The following VRK1 variants were observed in gnomAD, a reference collection of about 807,000 sequenced individuals.
The protein encoded by VRK1 is serine/threonine-protein kinase VRK1.
VRK1 carries 33 observed loss-of-function variants against 57.1 expected under a neutral mutation model. That is an observed-to-expected ratio of 0.58 (90% CI 0.44 to 0.77). VRK1 has a LOEUF of 0.77. Among genes scored for constraint, VRK1 ranks in the 30% least tolerant of loss-of-function variants. The pLI is 0.00. For synonymous variants in VRK1, 137 were observed against 147.8 expected, an observed-to-expected ratio of 0.93 and a Z score of 0.53; for missense variants, 413 against 477.3, an observed-to-expected ratio of 0.87 and a Z score of 1.25.
At chr14:96,857,476 A>G (rs1377928413) in intron 10 of VRK1, among the ~76,000 whole-genome samples, 1 of 152,132 alleles carries the variant, frequency 6.6e-6, no homozygotes, top group African/African-American at 2.4e-5. Flanking sequence ...ATAGGTAAAC[A>G]TGAGGGCTTT....
At chr14:96,830,810 T>G (rs771499974) in intron 1 of VRK1, among the ~76,000 whole-genome samples, 5 of 152,232 alleles carry the variant, frequency 3.3e-5, no homozygotes, top group Non-Finnish European at 5.9e-5. Flanking sequence ...TCACTTGTTT[T>G]TGTGTAGTAT....
chr14:96,860,131 T>C (rs1163748592), intron 10 of VRK1, among the ~76,000 whole-genome samples: 1 of 152,150 alleles, frequency 6.6e-6, no homozygotes, highest in African/African-American at 2.4e-5. Context: ...TATTTCTCAT[T>C]TACACGAAGA....
At chr14:96,881,134 A>G in intron 12 of VRK1, 43 bp from the exon 13 acceptor site, 1 of 1,547,808 alleles carries the variant, frequency 6.5e-7, no homozygotes, top group Non-Finnish European at 8.8e-7. Flanking sequence ...TGCTTTTGTA[A>G]ATTATTGACT....
intron 3 of VRK1, among the ~76,000 whole-genome samples, chr14:96,840,472 T>G (rs1887412158): frequency 6.6e-6 from 1 of 152,214 alleles, no homozygotes; most frequent in African/African-American, 2.4e-5. Flanking sequence ...ATTTTTCTTC[T>G]TCTTCATTTA....
rs560220988 is a variant in VRK1, at chr14:96,816,854, T to C, written c.-5-16613T>C. The stretch of plus-strand genomic sequence containing the variant: ...CGTGCATTGACTAGTATTTGGGTCC[T>C]GAGTCAAAGTCAACTGTGAGAAGAC... On this transcript the variant is annotated intron_variant, in intron 1 of 12. Transcript: ENST00000216639. Among the ~76,000 whole-genome samples the C allele has an allele frequency of 3.9e-5, 6 of 152,336 alleles. No homozygotes were observed. In the East Asian group the frequency reaches 7.7e-4, roughly 20 times the overall value.
intron 5 of VRK1, among the ~76,000 whole-genome samples, chr14:96,850,555 T>A (rs1183463024): frequency 6.6e-6 from 1 of 152,178 alleles, no homozygotes; most frequent in East Asian, 1.9e-4. Flanking sequence ...GTGACAAGAT[T>A]AAGGTCTTAT....
chr14:96,828,130 C>T lies in VRK1; in HGVS notation c.-5-5337C>T, dbSNP rs181951793. Reference sequence around the variant, plus strand: ...TTCTTAACACAGTGTTTGGTATGTCCATCCGTCTTACTATATTCATTTTCC... The same window carrying T: ...TTCTTAACACAGTGTTTGGTATGTCTATCCGTCTTACTATATTCATTTTCC... On this transcript the variant is annotated intron_variant, in intron 1 of 12. Transcript: ENST00000216639. 2.9e-4 allele frequency among the ~76,000 whole-genome samples: 42 copies of T among 146,902 alleles called. 1 individual carries two copies. The highest frequency in any genetic ancestry group is 1.0e-3 in the African/African-American group (41 of 40,948).
chr14:96,840,464 T>A (rs114991794), intron 3 of VRK1, among the ~76,000 whole-genome samples: 2,241 of 152,290 alleles, frequency 0.015, 63 homozygotes, highest in African/African-American at 0.051. Flanking sequence ...CATTGTGGAT[T>A]TTTCTTCTTC....
At chr14:96,800,853 A>C (rs1484180890) in intron 1 of VRK1, among the ~76,000 whole-genome samples, 1 of 152,094 alleles carries the variant, frequency 6.6e-6, no homozygotes, top group Non-Finnish European at 1.5e-5. Context: ...AGATGAAGTA[A>C]ATAATTAAAT....
chr14:96,851,167 A>C (rs562738010), intron 5 of VRK1, among the ~76,000 whole-genome samples: 2 of 150,352 alleles, frequency 1.3e-5, no homozygotes, highest in Admixed American at 1.3e-4. Flanking sequence ...ATTGAGGTGG[A>C]GTTTGCTCTT....
At chr14:96,857,788 C>G (rs1826032127) in intron 10 of VRK1, among the ~76,000 whole-genome samples, 1 of 152,118 alleles carries the variant, frequency 6.6e-6, no homozygotes, top group South Asian at 2.1e-4. Flanking sequence ...CAACCTACTC[C>G]CCATATCAAT....
intron 2 of VRK1, among the ~76,000 whole-genome samples, chr14:96,834,496 G>A (rs574979604): frequency 6.6e-6 from 1 of 152,254 alleles, no homozygotes; most frequent in African/African-American, 2.4e-5. Context: ...GTTTGTTCAA[G>A]GTGATTCTGA....
chr14:96,853,205 T>C, intron 7 of VRK1, 39 bp downstream of exon 7: 7 of 1,562,014 alleles, frequency 4.5e-6, no homozygotes, highest in Non-Finnish European at 6.2e-6. Context: ...TTAAAGCGTG[T>C]TGTTTGAAAA....
chr14:96,855,144 G>A, intron 7 of VRK1, 80 bp from the exon 8 acceptor site: 1 of 1,607,702 alleles, frequency 6.2e-7, no homozygotes, highest in South Asian at 1.1e-5. Flanking sequence ...TCAGATGCCA[G>A]TATTTTGTTT....
At chr14:96,873,656 C>T (rs1443904145) in intron 11 of VRK1, among the ~76,000 whole-genome samples, 1 of 152,104 alleles carries the variant, frequency 6.6e-6, no homozygotes, top group East Asian at 1.9e-4. Flanking sequence ...TATCTGAAGC[C>T]TAAGGATGTT....
chr14:96,800,324 C>T (rs2139674145), intron 1 of VRK1, among the ~76,000 whole-genome samples: 1 of 152,228 alleles, frequency 6.6e-6, no homozygotes, highest in East Asian at 1.9e-4. Flanking sequence ...CCCAATTACT[C>T]CTGCTCCATC....
chr14:96,858,317 C>T (rs1371023316), intron 10 of VRK1, among the ~76,000 whole-genome samples: 1 of 152,176 alleles, frequency 6.6e-6, no homozygotes, highest in East Asian at 1.9e-4. Context: ...TAGTCTTGAA[C>T]TCCTGGGCTC....
intron 1 of VRK1, among the ~76,000 whole-genome samples, chr14:96,822,096 T>G (rs1020845590): frequency 6.6e-6 from 1 of 151,392 alleles, no homozygotes; most frequent in African/African-American, 2.4e-5. Flanking sequence ...TTTTTTTTCC[T>G]TAGCCCTTAT....
At chr14:96,853,215 A>G (rs1888020802) in intron 7 of VRK1, 49 bp downstream of exon 7, 1 of 1,527,272 alleles carries the variant, frequency 6.5e-7, no homozygotes, top group Admixed American at 1.7e-5. Context: ...TTGTTTGAAA[A>G]TAAATATGGT....
Sources: allele counts gnomAD v4.1 joint callset (sites outside exome capture counted in the v4.1 genomes callset), GRCh38; gene constraint gnomAD v4.1.1; transcripts MANE v1.5; gene names NCBI Gene and HGNC (gene_info 2026-07-23, HGNC 2026-07-21).